HSPA12A: variants seen among roughly 807,000 people sequenced by gnomAD.
HSPA12A encodes heat shock 70 kDa protein 12A.
In HSPA12A, 28 loss-of-function variants were observed where a neutral mutation model predicts 69.2. That is an observed-to-expected ratio of 0.40 (90% confidence interval 0.30 to 0.55). HSPA12A has a LOEUF of 0.55. Ranked by LOEUF, HSPA12A falls within the 20% of genes least tolerant of loss-of-function variation. HSPA12A has a pLI of 0.38. For synonymous variants in HSPA12A, 345 were observed against 370.5 expected, an observed-to-expected ratio of 0.93 and a Z score of 0.79; for missense variants, 686 against 900.7, an observed-to-expected ratio of 0.76 and a Z score of 3.05.
At chr10:116,732,389 T>C (rs1851191491) in intron 1 of HSPA12A, among the ~76,000 whole-genome samples, 1 of 139,404 alleles carries the variant, frequency 7.2e-6, no homozygotes, top group African/African-American at 2.5e-5. Context: ...TTCCCAACAC[T>C]TTCCCCTCCT....
chr10:116,761,681 G>A (rs868938272), intron 2 of HSPA12A, among the ~76,000 whole-genome samples: 6 of 151,968 alleles, frequency 3.9e-5, no homozygotes, highest in Admixed American at 6.5e-5. Context: ...CTCCAGCCTC[G>A]GTGACACAGC....
At chr10:116,829,626 C>T (rs531085650) in intron 2 of HSPA12A, 2 of 152,196 alleles carry the variant, frequency 1.3e-5, no homozygotes, top group African/African-American at 2.4e-5. Flanking sequence ...CAGAACAATA[C>T]ATAAGAACCC....
chr10:116,734,896 G>A (rs1417016739), intron 1 of HSPA12A, among the ~76,000 whole-genome samples: 2 of 152,126 alleles, frequency 1.3e-5, no homozygotes, highest in African/African-American at 4.8e-5. Flanking sequence ...GGAGGCTGAG[G>A]CAGGAGACTG....
chr10:116,796,639 A>T (rs1344011363), intron 2 of HSPA12A, among the ~76,000 whole-genome samples: 3 of 152,180 alleles, frequency 2.0e-5, no homozygotes, highest in Non-Finnish European at 4.4e-5. Flanking sequence ...AGCGTTTAAC[A>T]CTGAAAGGGA....
chr10:116,808,554 G>C (rs1423739642), intron 2 of HSPA12A, among the ~76,000 whole-genome samples: 1 of 152,122 alleles, frequency 6.6e-6, no homozygotes, highest in Non-Finnish European at 1.5e-5. Context: ...CTGTAGTTTA[G>C]AGAACTGCGG....
chr10:116,830,948 C>T (rs1271577578), intron 2 of HSPA12A: 1 of 139,090 alleles, frequency 7.2e-6, no homozygotes, highest in Admixed American at 6.8e-5. Context: ...AGCAGACTGT[C>T]CTGCATATAA....
intron 2 of HSPA12A, among the ~76,000 whole-genome samples, chr10:116,828,127 CAGGCATTTA>C (rs1845544784): frequency 6.6e-6 from 1 of 152,212 alleles, no homozygotes; most frequent in African/African-American, 2.4e-5. Context: ...TGAAATAAGA[CAGGCATTTA>C]TAGAATAAAA....
chr10:116,675,257 C>T lies in HSPA12A; in HGVS notation c.1552G>A (p.Ala518Thr), dbSNP rs1849198795. The change falls in exon 12 of 12, where the codon GCC becomes ACC. Residue 518 changes from alanine (A) to threonine (T), a missense_variant. Coordinates refer to ENST00000369209, the MANE Select transcript of HSPA12A (RefSeq NM_025015.3). The surrounding 1 kb of genome is among the most constrained non-coding windows in gnomAD (Gnocchi z 5.2). ...QDVGLTILKGAVLFGLDPAVI... is the reference protein window; with the variant it reads ...QDVGLTILKGTVLFGLDPAVI... ...GCGGGGTCCAGGCCAAAGAGGACGG[C>T]ACCCTTGAGGATGGTGAGGCCCACG... 6.2e-7 allele frequency: 1 copy of T among 1,613,586 alleles called. No homozygotes were observed. Among genetic ancestry groups the T allele is most frequent in the Admixed American group, 1.7e-5 (1 of 60,004 alleles).
Position 116,674,661 on chromosome 10 carries a change from T to TCC in HSPA12A, c.*118_*119dup. On this transcript the variant is annotated 3_prime_UTR_variant, in exon 12 of 12. Transcript: ENST00000369209. The stretch of plus-strand genomic sequence containing the variant: ...TTTCTAGCCCTGATTGTTCTCATCT[T>TCC]CCCTGCTGAAATTCACATGGGCAAT... The TCC allele has an allele frequency of 1.0e-6, 1 of 997,418 alleles. No homozygotes were observed. Among genetic ancestry groups the TCC allele is most frequent in the Non-Finnish European group, 1.5e-6 (1 of 678,850 alleles). The allele number at this position is 997,418 out of a possible 1,614,324, so 61.8% of individuals were successfully genotyped here. A position where few individuals can be genotyped will look rare whatever the true frequency, so the allele number is the denominator to read the frequency against.
intron 1 of HSPA12A, among the ~76,000 whole-genome samples, chr10:116,719,091 T>C (rs1850696439): frequency 6.6e-6 from 1 of 152,194 alleles, no homozygotes; most frequent in South Asian, 2.1e-4. Context: ...TACTGCTGTG[T>C]CCACTCAAAA....
intron 2 of HSPA12A, among the ~76,000 whole-genome samples, chr10:116,706,729 C>T (rs1850264102): frequency 6.6e-6 from 1 of 152,162 alleles, no homozygotes; most frequent in African/African-American, 2.4e-5. Context: ...AAGCCCTGCT[C>T]AGGGCTTCTC....
intron 1 of HSPA12A, among the ~76,000 whole-genome samples, chr10:116,732,290 A>C (rs1851176268): frequency 6.6e-6 from 1 of 150,474 alleles, no homozygotes; most frequent in Non-Finnish European, 1.5e-5. Context: ...AGATCACCCT[A>C]CTGCACTCCA....
intron 1 of HSPA12A, among the ~76,000 whole-genome samples, chr10:116,721,943 T>C (rs1665654): frequency 1 from 152,077 of 152,322 alleles, 75,917 homozygotes; most frequent in Middle Eastern, 1. Context: ...CATCAGTCTC[T>C]GCAGTCCTTG....
At chr10:116,833,453 T>C (rs1030284477) in intron 2 of HSPA12A, 2 of 152,220 alleles carry the variant, frequency 1.3e-5, no homozygotes, top group African/African-American at 4.8e-5. Flanking sequence ...CAACCCATAA[T>C]GTGGAACTAC....
At chr10:116,734,545 C>A (rs998236879) in intron 1 of HSPA12A, among the ~76,000 whole-genome samples, 4 of 151,458 alleles carry the variant, frequency 2.6e-5, no homozygotes, top group Non-Finnish European at 4.4e-5. Context: ...GCAGCTCCTT[C>A]ATCTGCCCTC....
At chr10:116,748,622 G>A (rs1589683367) in intron 2 of HSPA12A, among the ~76,000 whole-genome samples, 1 of 152,170 alleles carries the variant, frequency 6.6e-6, no homozygotes, top group Non-Finnish European at 1.5e-5. Context: ...GTTCCACATG[G>A]CTGGGGAGGC....
chr10:116,836,528 G>A (rs1412624460), intron 1 of HSPA12A, among the ~76,000 whole-genome samples: 1 of 152,126 alleles, frequency 6.6e-6, no homozygotes, highest in Admixed American at 6.5e-5. Flanking sequence ...GTAATTGCCT[G>A]TAAAACATTG....
chr10:116,678,348 CAAAAAAAAAAAAAA>C (rs55780024), intron 10 of HSPA12A, among the ~76,000 whole-genome samples: 1 of 59,382 alleles, frequency 1.7e-5, no homozygotes, highest in Non-Finnish European at 2.8e-5. Flanking sequence ...TGCCAACTTG[CAAAAAAAAAAAAAA>C]AAAAAAAAAA....
intron 1 of HSPA12A, among the ~76,000 whole-genome samples, chr10:116,707,672 A>G (rs1850300139): frequency 6.6e-6 from 1 of 152,128 alleles, no homozygotes; most frequent in Non-Finnish European, 1.5e-5. Flanking sequence ...ATTATGTCAA[A>G]TTTTTGTGTG....
Sources: allele counts gnomAD v4.1 joint callset (sites outside exome capture counted in the v4.1 genomes callset), GRCh38; gene constraint gnomAD v4.1.1; non-coding constraint Gnocchi (gnomAD v3.1); transcripts MANE v1.5; gene names NCBI Gene and HGNC (gene_info 2026-07-23, HGNC 2026-07-21).